PAXIP1: variants seen among roughly 807,000 people sequenced by gnomAD.
PAXIP1 encodes the protein PAX-interacting protein 1.
Under a neutral mutation model 140.6 loss-of-function variants are expected in PAXIP1, and 19 were observed. That is an observed-to-expected ratio of 0.14 (90% CI 0.09 to 0.20). PAXIP1 has a LOEUF of 0.20. Among genes scored for constraint, PAXIP1 ranks in the 10% least tolerant of loss-of-function variants. PAXIP1 has a pLI of 1.00. For synonymous variants in PAXIP1, 442 were observed against 444.6 expected, an observed-to-expected ratio of 0.99 and a Z score of 0.07; for missense variants, 920 against 1,208.6, an observed-to-expected ratio of 0.76 and a Z score of 3.54.
chr7:154,949,425 T>A (rs1448237751), intron 16 of PAXIP1: 1 of 152,146 alleles, frequency 6.6e-6, no homozygotes, highest in Non-Finnish European at 1.5e-5. Flanking sequence ...GAAAGGCTGC[T>A]TTTTAGGTGA....
chr7:154,998,056 G>A (rs958384504), intron 2 of PAXIP1, among the ~76,000 whole-genome samples: 4 of 152,324 alleles, frequency 2.6e-5, no homozygotes, highest in South Asian at 2.1e-4. Context: ...CAGTGGTAAC[G>A]TGGGACGAGT....
At chr7:154,968,235 C>T (rs1012249314) in intron 7 of PAXIP1, among the ~76,000 whole-genome samples, 168 bp downstream of exon 7, 3 of 152,144 alleles carry the variant, frequency 2.0e-5, no homozygotes, top group Admixed American at 1.3e-4. Context: ...CAAAAGAAAG[C>T]ATAATTATCC....
chr7:154,968,365 A>G (rs1269798586), intron 7 of PAXIP1, 38 bp downstream of exon 7: 2 of 1,488,234 alleles, frequency 1.3e-6, no homozygotes, highest in East Asian at 5.0e-5. Flanking sequence ...TGGGTACAAG[A>G]CTTTTAGGAG....
intron 16 of PAXIP1, chr7:154,949,908 TAAAAAG>T (rs1808195914): frequency 6.6e-6 from 1 of 151,952 alleles, no homozygotes; most frequent in African/African-American, 2.4e-5. Context: ...GACTCTGTCT[TAAAAAG>T]AAAAGAAAGT....
rs1018075689 is a variant in PAXIP1, at chr7:154,968,328, C to T, written c.1798+75G>A. On this transcript the variant is annotated intron_variant, in intron 7 of 20. Coordinates refer to ENST00000404141, the MANE Select transcript of PAXIP1 (RefSeq NM_007349.4). ...TGTTTTGATATGAATCCTCACCCCA[C>T]ACTCAAACACTCTCAAAGCATTTAT... The T allele has an allele frequency of 4.7e-6, 6 of 1,272,490 alleles. No individual in the cohort carries two copies. In the Admixed American group the frequency reaches 1.6e-4, roughly 33 times the overall value. 78.8% of individuals were successfully genotyped at this position (1,272,490 alleles called of 1,614,324 possible). A position where few individuals can be genotyped will look rare whatever the true frequency, so the allele number is the denominator to read the frequency against.
intron 1 of PAXIP1, 73 bp from the exon 2 acceptor site, chr7:154,998,857 T>C: frequency 1.5e-6 from 2 of 1,307,002 alleles, no homozygotes; most frequent in Non-Finnish European, 2.1e-6. Context: ...CAGAAATAAT[T>C]ATTGGGCATA....
rs377739386 is a variant in PAXIP1, at chr7:154,944,143, A to G, written c.*6T>C. 1.2e-4 allele frequency: 199 copies of G among 1,611,900 alleles called. 3 individuals are homozygous for G. In the East Asian group the frequency reaches 2.1e-3, roughly 17 times the overall value. ...GGAGTCGACATGCACGGCAGCCTAG[A>G]CGCCATCAGTTAAACTTATATGTAG... On this transcript the variant is annotated 3_prime_UTR_variant, in exon 21 of 21. Coordinates refer to ENST00000404141, the MANE Select transcript of PAXIP1 (RefSeq NM_007349.4).
At chr7:154,957,753 G>A (rs1421872416) in intron 13 of PAXIP1, among the ~76,000 whole-genome samples, 1 of 150,970 alleles carries the variant, frequency 6.6e-6, no homozygotes, top group Non-Finnish European at 1.5e-5. Flanking sequence ...GGATCATGAG[G>A]TCAGGAGATC....
intron 6 of PAXIP1, among the ~76,000 whole-genome samples, chr7:154,975,311 A>G (rs1470819749): frequency 2.0e-5 from 3 of 152,178 alleles, no homozygotes. Flanking sequence ...ATTTACTACC[A>G]TGAAGTTCAT....
intron 9 of PAXIP1, chr7:154,962,791 GA>G (rs1808813637): frequency 6.0e-6 from 1 of 166,290 alleles, no homozygotes; most frequent in Admixed American, 6.1e-5. Flanking sequence ...CCCCACATAA[GA>G]AAAAATACAA....
Position 154,990,037 on chromosome 7 carries a change from CT to C in PAXIP1, c.324+968del, listed in dbSNP as rs749788206. On this transcript the variant is annotated intron_variant, in intron 4 of 20. Coordinates refer to ENST00000404141, the MANE Select transcript of PAXIP1 (RefSeq NM_007349.4). Reference sequence around the variant, plus strand: ...TTCTATCGACTTGGGATAAGTTTCTCTTTTTTTTTTTTTTTTTTTTTGAGAT... The same window carrying C: ...TTCTATCGACTTGGGATAAGTTTCTCTTTTTTTTTTTTTTTTTTTTGAGAT... 1.8e-3 allele frequency among the ~76,000 whole-genome samples: 203 copies of C among 109,938 alleles called. 1 individual carries two copies. The highest frequency in any genetic ancestry group is 2.5e-3 in the Non-Finnish European group (142 of 55,962). 72.1% of individuals were successfully genotyped at this position (109,938 alleles called of 152,430 possible). A position where few individuals can be genotyped will look rare whatever the true frequency, so the allele number is the denominator to read the frequency against.
intron 6 of PAXIP1, among the ~76,000 whole-genome samples, chr7:154,970,720 G>A (rs1809267011): frequency 6.6e-6 from 1 of 152,182 alleles, no homozygotes; most frequent in African/African-American, 2.4e-5. Context: ...CCTGCCTGGT[G>A]GGCACCAGCC....
intron 2 of PAXIP1, among the ~76,000 whole-genome samples, chr7:154,995,091 G>A (rs1198061117): frequency 6.6e-6 from 1 of 152,158 alleles, no homozygotes; most frequent in Non-Finnish European, 1.5e-5. Flanking sequence ...TGCCATGACT[G>A]AGCACTAAGG....
At chr7:154,978,510 T>A (rs1256281822) in intron 5 of PAXIP1, among the ~76,000 whole-genome samples, 1 of 152,208 alleles carries the variant, frequency 6.6e-6, no homozygotes, top group African/African-American at 2.4e-5. Context: ...TGTTCTTAAA[T>A]ATTTAAAAGC....
intron 6 of PAXIP1, among the ~76,000 whole-genome samples, chr7:154,969,477 T>C (rs543702046): frequency 2.0e-5 from 3 of 152,244 alleles, no homozygotes; most frequent in African/African-American, 7.2e-5. Context: ...TGGTGCTCCC[T>C]GCACCGTGCT....
chr7:154,944,386 C>A, intron 20 of PAXIP1: 1 of 426,484 alleles, frequency 2.3e-6, no homozygotes. Context: ...AGCACCTGTG[C>A]CAGCTCCGCA....
In PAXIP1 at chr7:154,973,486, T is replaced by A. The variant is rs1397321789; in HGVS notation, c.1074+2210A>T. 6.6e-6 allele frequency among the ~76,000 whole-genome samples: 1 copy of A among 152,158 alleles called. No individual in the cohort carries two copies. The highest frequency in any genetic ancestry group is 1.9e-4 in the East Asian group (1 of 5,174). ...TCTATTCTCCTCAAACCCGATGACCTTCTCTCTCTGCTCACCTTCTCCCCC... is the reference window on the plus strand; with the variant it reads ...TCTATTCTCCTCAAACCCGATGACCATCTCTCTCTGCTCACCTTCTCCCCC... On this transcript the variant is annotated intron_variant, in intron 6 of 20. Transcript: ENST00000404141. This position sits in a 1 kb window ranked among gnomAD's most constrained non-coding sequence, Gnocchi z 4.0.
chr7:155,002,511 C>T (rs1447198514), intron 1 of PAXIP1, among the ~76,000 whole-genome samples: 1 of 151,814 alleles, frequency 6.6e-6, no homozygotes, highest in Non-Finnish European at 1.5e-5. Context: ...GGAGACGCGA[C>T]CCCGCGCCCG....
chr7:154,979,533 G>A (rs1809744798), intron 5 of PAXIP1, among the ~76,000 whole-genome samples: 3 of 151,862 alleles, frequency 2.0e-5, no homozygotes, highest in South Asian at 2.1e-4. Flanking sequence ...ATAATTTAAA[G>A]GAATGATAAA....
Sources: allele counts gnomAD v4.1 joint callset (sites outside exome capture counted in the v4.1 genomes callset), GRCh38; gene constraint gnomAD v4.1.1; non-coding constraint Gnocchi (gnomAD v3.1); transcripts MANE v1.5; gene names NCBI Gene and HGNC (gene_info 2026-07-23, HGNC 2026-07-21).